Variants in VMP1 observed in about 807,000 individuals in gnomAD.
VMP1 encodes the protein vacuole membrane protein 1, also known as ectopic P-granules autophagy protein 3 homolog.
In VMP1, 11 loss-of-function variants were observed where a neutral mutation model predicts 56.0. The ratio of observed to expected loss-of-function variants is 0.20; its 90% CI spans 0.12 to 0.32. The LOEUF (loss-of-function observed/expected upper bound fraction) is 0.32, where lower values mean the gene tolerates loss of function less well. VMP1 is among the 10% of genes least tolerant of loss of function. The pLI, the probability that VMP1 is intolerant of heterozygous loss-of-function variation, is 1.00. For missense variants in VMP1, 296 were observed against 490.3 expected (o/e 0.60, Z 3.74); for synonymous variants, 149 against 165.0 (o/e 0.90, Z 0.74).
chr17:59,841,231 C>A lies in VMP1; in HGVS notation c.*1320C>A. 1 of 463,098 alleles carries A rather than the reference C, an allele frequency of 2.2e-6. No individual in the cohort carries two copies. The highest frequency in any genetic ancestry group is 4.7e-6 in the Non-Finnish European group (1 of 211,334). 28.7% of individuals were successfully genotyped at this position (463,098 alleles called of 1,614,324 possible). A position where few individuals can be genotyped will look rare whatever the true frequency, so the allele number is the denominator to read the frequency against. On this transcript the variant is annotated 3_prime_UTR_variant, in exon 12 of 12. Coordinates refer to ENST00000262291, the MANE Select transcript of VMP1 (RefSeq NM_030938.5). ...CCTGCCTGACTGTCTGCTTGTTTTG[C>A]CTACCATCGTGACATCTCCATGGCT...
At chr17:59,814,640 A>G (rs994853140) in intron 9 of VMP1, among the ~76,000 whole-genome samples, 1 of 152,216 alleles carries the variant, frequency 6.6e-6, no homozygotes, top group Non-Finnish European at 1.5e-5. Context: ...CATTTCATAG[A>G]TGAGGGAACT....
intron 7 of VMP1, among the ~76,000 whole-genome samples, chr17:59,783,934 C>T (rs1206072218): frequency 6.6e-6 from 1 of 152,124 alleles, no homozygotes; most frequent in East Asian, 1.9e-4. Context: ...ATCTGTGATG[C>T]CTCCCACTGT....
chr17:59,721,317 GC>G (rs2034388144), intron 1 of VMP1, among the ~76,000 whole-genome samples: 1 of 152,140 alleles, frequency 6.6e-6, no homozygotes, highest in African/African-American at 2.4e-5. Context: ...TTGCACTCCA[GC>G]CTGGGCGACA....
intron 5 of VMP1, among the ~76,000 whole-genome samples, chr17:59,750,338 G>A (rs1464976452): frequency 3.6e-5 from 5 of 140,472 alleles, no homozygotes; most frequent in East Asian, 2.1e-4. Flanking sequence ...TTTTGCTCTT[G>A]TTGCCCAGGC....
intron 7 of VMP1, among the ~76,000 whole-genome samples, chr17:59,796,200 G>A (rs1171322732): frequency 6.6e-6 from 1 of 152,106 alleles, no homozygotes; most frequent in Non-Finnish European, 1.5e-5. Flanking sequence ...CTCATAGATT[G>A]TCAGCATGAC....
At chr17:59,810,661 C>T (rs1214404592) in intron 8 of VMP1, among the ~76,000 whole-genome samples, 2 of 151,992 alleles carry the variant, frequency 1.3e-5, no homozygotes, top group African/African-American at 2.4e-5. Flanking sequence ...ATGAGAAAAA[C>T]AAAAATGAGT....
In VMP1 at chr17:59,805,156, G is replaced by A. The variant is rs145060059; in HGVS notation, c.715-3640G>A. On this transcript the variant is annotated intron_variant, in intron 7 of 11. Transcript: ENST00000262291. ...AAGGAGGTTTCAGCTTCACGTGTTC[G>A]GATAGATTAACTCTTTGTGCTCAAA... is the stretch of plus-strand genomic sequence containing the variant. Among the ~76,000 whole-genome samples the A allele has an allele frequency of 1.1e-4, 16 of 152,158 alleles. No homozygotes were observed. In the East Asian group the frequency reaches 1.7e-3, roughly 17 times the overall value.
chr17:59,708,533 G>A (rs1374524867), intron 1 of VMP1, among the ~76,000 whole-genome samples: 8 of 152,030 alleles, frequency 5.3e-5, no homozygotes, highest in Admixed American at 1.3e-4. Flanking sequence ...AATAATACAC[G>A]TAGACTGGCC....
chr17:59,781,102 G>A (rs951035218), intron 7 of VMP1, among the ~76,000 whole-genome samples: 25 of 152,052 alleles, frequency 1.6e-4, no homozygotes, highest in African/African-American at 5.6e-4. Context: ...GACTGTTGCC[G>A]GTTTTCCATG....
At chr17:59,774,202 C>G (rs1043381767) in intron 7 of VMP1, among the ~76,000 whole-genome samples, 5 of 152,016 alleles carry the variant, frequency 3.3e-5, no homozygotes, top group African/African-American at 9.7e-5. Context: ...GAGGTATTAC[C>G]AAGCAGACTG....
intron 5 of VMP1, among the ~76,000 whole-genome samples, chr17:59,741,904 C>T (rs1212432765): frequency 6.6e-6 from 1 of 152,150 alleles, no homozygotes; most frequent in Non-Finnish European, 1.5e-5. Flanking sequence ...TCTACATCTC[C>T]TCCCATCTCT....
chr17:59,813,212 A>G (rs2038112139), intron 9 of VMP1, among the ~76,000 whole-genome samples: 1 of 152,122 alleles, frequency 6.6e-6, no homozygotes, highest in Non-Finnish European at 1.5e-5. Context: ...ATTTCCTCCC[A>G]TTTAAATTAA....
chr17:59,774,921 A>C (rs2144040932), intron 7 of VMP1, among the ~76,000 whole-genome samples: 2 of 149,500 alleles, frequency 1.3e-5, no homozygotes, highest in South Asian at 2.1e-4. Context: ...CAATAGTGAG[A>C]CCTTGTCTCT....
rs1295950949 is a variant in VMP1 at position 59,737,557 on chromosome 17, C to G, written c.303+14C>G. ...GTGCATCAACAGGTGAGAGGTCGAG[C>G]AATTCTGTTTCTAGTCTTGCACATT... is the stretch of plus-strand genomic sequence containing the variant. On this transcript the variant is annotated intron_variant, in intron 4 of 11. Coordinates refer to ENST00000262291, the MANE Select transcript of VMP1 (RefSeq NM_030938.5). 3 of 1,594,928 alleles carry G rather than the reference C, an allele frequency of 1.9e-6. No homozygotes were observed. Among genetic ancestry groups the G allele is most frequent in the Middle Eastern group, 3.3e-4 (2 of 5,980 alleles).
chr17:59,835,521 ACTCTCG>A (rs2038954060), intron 10 of VMP1, among the ~76,000 whole-genome samples: 11 of 134,716 alleles, frequency 8.2e-5, no homozygotes, highest in Admixed American at 6.1e-4. Flanking sequence ...ACAGAGTTTC[ACTCTCG>A]TTGCCCAGGC....
At chr17:59,800,048 A>G (rs2037584757) in intron 7 of VMP1, among the ~76,000 whole-genome samples, 1 of 152,178 alleles carries the variant, frequency 6.6e-6, no homozygotes, top group South Asian at 2.1e-4. Flanking sequence ...AGTCAACAGT[A>G]AGAATATTTT....
chr17:59,815,504 A>T (rs1050982337), intron 9 of VMP1, among the ~76,000 whole-genome samples: 2 of 148,742 alleles, frequency 1.3e-5, no homozygotes, highest in Non-Finnish European at 3.0e-5. Flanking sequence ...TAATGCCTAG[A>T]ATAGCATCCA....
intron 1 of VMP1, among the ~76,000 whole-genome samples, chr17:59,713,642 G>A (rs974116767): frequency 6.8e-6 from 1 of 148,140 alleles, no homozygotes; most frequent in Non-Finnish European, 1.5e-5. Flanking sequence ...GAGTCCAGGA[G>A]TTCGAGACCA....
intron 1 of VMP1, among the ~76,000 whole-genome samples, chr17:59,726,379 C>T (rs1242235533): frequency 6.6e-6 from 1 of 151,860 alleles, no homozygotes; most frequent in Non-Finnish European, 1.5e-5. Flanking sequence ...CTGCGACCTC[C>T]ACCTCCTGGG....
Sources: gnomAD v4.1 joint callset for allele counts (sites outside exome capture counted in the v4.1 genomes callset) on GRCh38, gnomAD v4.1.1 for gene constraint, MANE v1.5 for transcripts, NCBI Gene and HGNC (gene_info 2026-07-23, HGNC 2026-07-21) for gene names.